RHOA: variants seen among roughly 807,000 people sequenced by gnomAD.
RHOA encodes the protein transforming protein RhoA.
In RHOA, 3 loss-of-function variants were observed where a neutral mutation model predicts 17.5. The observed-to-expected ratio is 0.17, with a 90% CI of 0.08 to 0.44. The LOEUF (loss-of-function observed/expected upper bound fraction) is 0.44. RHOA is among the 20% of genes least tolerant of loss of function. RHOA has a pLI of 0.99. For missense variants in RHOA, 56 were observed against 242.3 expected (o/e 0.23, Z 5.10); for synonymous variants, 98 against 88.4 (o/e 1.11, Z -0.61).
intron 2 of RHOA, among the ~76,000 whole-genome samples, chr3:49,372,100 A>T (rs898120700): frequency 5.3e-5 from 8 of 152,232 alleles, no homozygotes; most frequent in African/African-American, 1.9e-4. Flanking sequence ...GGATCTTTCT[A>T]TGTATGGTGC....
chr3:49,388,043 G>A (rs2048431038), intron 1 of RHOA, among the ~76,000 whole-genome samples: 1 of 150,292 alleles, frequency 6.7e-6, no homozygotes, highest in Non-Finnish European at 1.5e-5. Context: ...GTCTCACTCT[G>A]TTGCCCAGGC....
At chr3:49,380,446 G>A (rs973668985) in intron 1 of RHOA, among the ~76,000 whole-genome samples, 1 of 152,062 alleles carries the variant, frequency 6.6e-6, no homozygotes, top group Non-Finnish European at 1.5e-5. Context: ...GGTGATTCAC[G>A]CCTGTAATCC....
chr3:49,410,450 T>C (rs541266867), intron 1 of RHOA, among the ~76,000 whole-genome samples: 10 of 152,304 alleles, frequency 6.6e-5, no homozygotes, highest in African/African-American at 2.2e-4. Flanking sequence ...CACTAGACTT[T>C]AACTCAAACC....
chr3:49,359,851 T>A lies in RHOA; in HGVS notation c.*358A>T, dbSNP rs8179164. ...ACCAGAGTACCTTGCAGCTGACAGA[T>A]AATAGGCAGGACATGTTAGTTATAA... On this transcript the variant is annotated 3_prime_UTR_variant, in exon 5 of 5. Transcript: ENST00000418115. 0.02 allele frequency: 5,342 copies of A among 261,440 alleles called. 74 individuals are homozygous for A. The highest frequency in any genetic ancestry group is 0.029 in the Non-Finnish European group (3,919 of 135,190). The allele number at this position is 261,440 out of a possible 1,614,324, so 16.2% of individuals were successfully genotyped here.
chr3:49,394,681 T>C (rs773188019), intron 1 of RHOA, among the ~76,000 whole-genome samples: 4 of 152,112 alleles, frequency 2.6e-5, no homozygotes, highest in Non-Finnish European at 5.9e-5. Flanking sequence ...GGCCATTCCT[T>C]GTTCTAGCTA....
At chr3:49,369,360 G>A (rs1405432154) in intron 2 of RHOA, among the ~76,000 whole-genome samples, 1 of 151,734 alleles carries the variant, frequency 6.6e-6, no homozygotes, top group Non-Finnish European at 1.5e-5. Context: ...TCAAATGAGA[G>A]TATATTTAAA....
At chr3:49,389,439 T>A (rs1046225219) in intron 1 of RHOA, among the ~76,000 whole-genome samples, 10 of 152,162 alleles carry the variant, frequency 6.6e-5, no homozygotes, top group African/African-American at 2.4e-4. Flanking sequence ...AGGAACCTGC[T>A]GTGCTTCTCA....
intron 1 of RHOA, among the ~76,000 whole-genome samples, chr3:49,383,359 G>T (rs1438429586): frequency 6.7e-6 from 1 of 150,260 alleles, no homozygotes; most frequent in African/African-American, 2.4e-5. Flanking sequence ...GGTGGAGCTT[G>T]CAGTGAGCTG....
intron 1 of RHOA, among the ~76,000 whole-genome samples, chr3:49,392,900 G>A (rs1357541617): frequency 6.6e-6 from 1 of 152,182 alleles, no homozygotes; most frequent in African/African-American, 2.4e-5. Flanking sequence ...TTAGAGGCCA[G>A]GCGTGATGGC....
chr3:49,391,454 A>C (rs1160486871), intron 1 of RHOA, among the ~76,000 whole-genome samples: 1 of 152,120 alleles, frequency 6.6e-6, no homozygotes, highest in Non-Finnish European at 1.5e-5. Flanking sequence ...TCAAGTGTGA[A>C]CACAACAGAC....
chr3:49,397,261 CA>C (rs2048631846), intron 1 of RHOA, among the ~76,000 whole-genome samples: 1 of 151,698 alleles, frequency 6.6e-6, no homozygotes, highest in Non-Finnish European at 1.5e-5. Context: ...CCAGAATAGG[CA>C]AATCTATAGA....
intron 1 of RHOA, among the ~76,000 whole-genome samples, chr3:49,397,510 GT>G (rs986151523): frequency 6.6e-6 from 1 of 151,930 alleles, no homozygotes; most frequent in African/African-American, 2.4e-5. Context: ...GTTGGTTTTT[GT>G]TTTTTTAAAA....
chr3:49,396,673 C>G (rs1443628497), intron 1 of RHOA, among the ~76,000 whole-genome samples: 1 of 152,048 alleles, frequency 6.6e-6, no homozygotes, highest in African/African-American at 2.4e-5. Context: ...TACCACTGCT[C>G]TCCAGACTGG....
chr3:49,368,486 G>T lies in RHOA; in HGVS notation c.219C>A (p.Ser73=), dbSNP rs1327598796. 1 of 1,614,052 alleles carries T rather than the reference G, an allele frequency of 6.2e-7. No individual in the cohort carries two copies. The highest frequency in any genetic ancestry group is 2.2e-5 in the East Asian group (1 of 44,878). Residue 73 remains serine (S), a synonymous_variant, in exon 3 of 5, where the codon TCC becomes TCA. Transcript: ENST00000418115. ...TCAGTATAACATCGGTATCTGGGTA[G>T]GAGAGGGGCCTCAGGCGATCATAAT... The part of the protein sequence containing the change: ...QEDYDRLRPL[S]YPDTDVILMC...
intron 1 of RHOA, among the ~76,000 whole-genome samples, chr3:49,382,881 C>T (rs1307891333): frequency 6.6e-6 from 1 of 151,432 alleles, no homozygotes; most frequent in Non-Finnish European, 1.5e-5. Context: ...ATGGTGTAAC[C>T]CCATATCCAC....
intron 2 of RHOA, among the ~76,000 whole-genome samples, chr3:49,371,142 T>C (rs1186923018): frequency 8.5e-5 from 13 of 152,132 alleles, no homozygotes; most frequent in African/African-American, 7.2e-5. Context: ...CCAGCCTCTA[T>C]TGGCGCTTGA....
At chr3:49,399,211 C>A (rs1405811018) in intron 1 of RHOA, among the ~76,000 whole-genome samples, 1 of 150,236 alleles carries the variant, frequency 6.7e-6, no homozygotes, top group African/African-American at 2.4e-5. Context: ...CTACTAAAAA[C>A]TACAAAAACT....
intron 1 of RHOA, among the ~76,000 whole-genome samples, chr3:49,403,588 G>A (rs1181573867): frequency 2.6e-5 from 4 of 151,874 alleles, no homozygotes; most frequent in East Asian, 1.9e-4. Flanking sequence ...GTAGCCAGGC[G>A]TGGTGGTGCA....
intron 1 of RHOA, among the ~76,000 whole-genome samples, chr3:49,394,633 G>T (rs901710244): frequency 2.6e-5 from 4 of 152,166 alleles, no homozygotes; most frequent in Non-Finnish European, 5.9e-5. Context: ...TTTCAGGCGT[G>T]AGCCACTGCA....
Sources: allele counts gnomAD v4.1 joint callset (sites outside exome capture counted in the v4.1 genomes callset), GRCh38; gene constraint gnomAD v4.1.1; transcripts MANE v1.5; gene names NCBI Gene and HGNC (gene_info 2026-07-23, HGNC 2026-07-21).